The following RANBP2 variants were observed in gnomAD, a reference collection of about 807,000 sequenced individuals.
The protein encoded by RANBP2 is E3 SUMO-protein ligase RanBP2.
A neutral mutation model predicts 303.6 loss-of-function variants in RANBP2; 57 were observed. The ratio of observed to expected loss-of-function variants is 0.19; its 90% CI spans 0.15 to 0.23. The LOEUF (loss-of-function observed/expected upper bound fraction) is 0.23. Ranked by LOEUF, RANBP2 falls within the 10% of genes least tolerant of loss-of-function variation. The pLI, the probability that RANBP2 is intolerant of heterozygous loss-of-function variation, is 1.00. For missense variants in RANBP2, 3,138 were observed against 3,780.8 expected, an observed-to-expected ratio of 0.83 and a Z score of 4.46; for synonymous variants, 1,167 against 1,301.5, an observed-to-expected ratio of 0.90 and a Z score of 2.23.
At chr2:109,481,031 C>A in the RANBP2 span, among the ~76,000 whole-genome samples, 1 of 152,198 alleles carries the variant, frequency 6.6e-6, no homozygotes, top group Non-Finnish European at 1.5e-5. Flanking sequence ...GGCAAGAGGA[C>A]ACCGATAGGG....
At chr2:109,554,425 G>C in the RANBP2 span, among the ~76,000 whole-genome samples, 2 of 152,156 alleles carry the variant, frequency 1.3e-5, no homozygotes, top group African/African-American at 4.8e-5. Flanking sequence ...GCTTACTCCA[G>C]TTCAGGGTCA....
the RANBP2 span, among the ~76,000 whole-genome samples, chr2:109,009,699 T>TA: frequency 0.29 from 36,403 of 126,378 alleles, 6,975 homozygotes; most frequent in East Asian, 0.83. Context: ...CTGACATTTT[T>TA]ACCTTTTTTT....
At chr2:108,786,764 T>C (rs1480032502), downstream of RANBP2, 7 of 1,470,910 alleles carry the variant, frequency 4.8e-6, no homozygotes, top group Admixed American at 2.0e-5. Flanking sequence ...TGCGGCCGCG[T>C]AGCGCCGCGG....
chr2:109,618,621 G>T, the RANBP2 span: 1 of 166,830 alleles, frequency 6.0e-6, no homozygotes, highest in African/African-American at 2.4e-5. Context: ...TCAGTTTCCA[G>T]TCAAGATTAT....
chr2:109,547,810 C>A, the RANBP2 span, among the ~76,000 whole-genome samples: 1 of 152,172 alleles, frequency 6.6e-6, no homozygotes, highest in Non-Finnish European at 1.5e-5. Context: ...TGAGTAAGCA[C>A]TCGATAAATA....
At chr2:108,786,983 C>CG (rs1678922100), downstream of RANBP2, 2 of 1,121,628 alleles carry the variant, frequency 1.8e-6, no homozygotes, top group African/African-American at 3.3e-5. Flanking sequence ...CCGTGCCCCG[C>CG]GCAGCCGGCC....
the RANBP2 span, among the ~76,000 whole-genome samples, chr2:109,373,911 C>T: frequency 0.29 from 43,726 of 151,976 alleles, 7,173 homozygotes; most frequent in South Asian, 0.39. Context: ...ATTGGGAGTC[C>T]GCAAGCAGGT....
chr2:109,081,354 G>A, the RANBP2 span, among the ~76,000 whole-genome samples: 68 of 152,248 alleles, frequency 4.5e-4, no homozygotes, highest in African/African-American at 1.5e-3. Context: ...ACCTCCAGAT[G>A]GGGGCAGCCC....
chr2:109,550,883 G>A, the RANBP2 span, among the ~76,000 whole-genome samples: 14 of 152,212 alleles, frequency 9.2e-5, no homozygotes, highest in South Asian at 1.2e-3. Context: ...GTAAATTACC[G>A]AGCATACTTT....
chr2:108,806,883 A>C, the RANBP2 span, among the ~76,000 whole-genome samples: 1 of 152,198 alleles, frequency 6.6e-6, no homozygotes, highest in African/African-American at 2.4e-5. Flanking sequence ...CATCATAGGG[A>C]GATAGTCCCA....
chr2:109,627,712 G>T, the RANBP2 span, among the ~76,000 whole-genome samples: 111 of 152,336 alleles, frequency 7.3e-4, no homozygotes, highest in African/African-American at 2.6e-3. Context: ...CACCTTAGGT[G>T]ATCTTCCACA....
chr2:109,269,363 C>T, the RANBP2 span, among the ~76,000 whole-genome samples: 1 of 152,228 alleles, frequency 6.6e-6, no homozygotes, highest in Non-Finnish European at 1.5e-5. Context: ...CCTCCCCACA[C>T]ACCGTGTAAT....
Position 108,782,746 on chromosome 2 carries a change from T to C in RANBP2, c.9253T>C (p.Phe3085Leu), listed in dbSNP as rs200328905. 135 of 1,614,228 alleles carry C rather than the reference T, an allele frequency of 8.4e-5. No homozygotes were observed. The highest frequency in any genetic ancestry group is 3.5e-4 in the Admixed American group (21 of 60,030). The change falls in exon 28 of 29, where the codon TTT becomes CTT. Residue 3085 changes from phenylalanine to leucine, a missense_variant. By Grantham distance (22) the Phe-to-Leu change is conservative. This residue lies in a region of RANBP2 where 204 missense variants were observed against 228.4 expected (regional missense o/e 0.89). Coordinates refer to ENST00000283195, the MANE Select transcript of RANBP2 (RefSeq NM_006267.5). ...EPLGRITMEL[F>L]SNIVPRTAEN... ...TCTAGGGCGGATAACTATGGAATTA[T>C]TTTCAAACATTGTTCCTCGGACTGC...
At chr2:108,818,177 G>A in the RANBP2 span, among the ~76,000 whole-genome samples, 2 of 152,018 alleles carry the variant, frequency 1.3e-5, no homozygotes, top group Admixed American at 6.6e-5. Context: ...CTGGTGGCAC[G>A]CGCCTATAAC....
the RANBP2 span, among the ~76,000 whole-genome samples, chr2:109,001,249 G>A: frequency 6.6e-6 from 1 of 151,742 alleles, no homozygotes; most frequent in Non-Finnish European, 1.5e-5. Flanking sequence ...TTGGCACCAT[G>A]GGACAATCAC....
chr2:109,011,668 A>G, the RANBP2 span, among the ~76,000 whole-genome samples: 1 of 151,576 alleles, frequency 6.6e-6, no homozygotes, highest in South Asian at 2.1e-4. Context: ...GGATCTTCTC[A>G]TTTTTTCCTC....
chr2:108,853,041 C>T, the RANBP2 span, among the ~76,000 whole-genome samples: 4 of 152,068 alleles, frequency 2.6e-5, no homozygotes, highest in Non-Finnish European at 4.4e-5. Context: ...ACATCATAAC[C>T]TTTCGTGAGA....
the RANBP2 span, chr2:109,615,320 T>C: frequency 6.2e-7 from 1 of 1,610,084 alleles, no homozygotes; most frequent in Non-Finnish European, 8.5e-7. Context: ...CTGCCTCCGA[T>C]GGCAAGTGGG....
chr2:109,012,138 C>G, the RANBP2 span, among the ~76,000 whole-genome samples: 1 of 152,200 alleles, frequency 6.6e-6, no homozygotes, highest in African/African-American at 2.4e-5. Context: ...TTTGGCAGCT[C>G]TGAGGTTTGC....
Sources: gnomAD v4.1 joint callset for allele counts (sites outside exome capture counted in the v4.1 genomes callset) on GRCh38, gnomAD v4.1.1 for gene constraint, gnomAD v4.1.1 regional missense constraint, MANE v1.5 for transcripts, NCBI Gene and HGNC (gene_info 2026-07-23, HGNC 2026-07-21) for gene names.